NXPE2: variants seen among roughly 807,000 people sequenced by gnomAD.
The protein encoded by NXPE2 is neurexophilin and PC-esterase domain family member 2, also known as NXPE family member 2.
Under a neutral mutation model 34.4 loss-of-function variants are expected in NXPE2, and 34 were observed. The ratio of observed to expected loss-of-function variants is 0.99; its 90% CI spans 0.75 to 1.31. The LOEUF is 1.31. NXPE2 is among the 40% of genes most tolerant of loss of function. The pLI, the probability that NXPE2 is intolerant of heterozygous loss-of-function variation, is 0.00. For synonymous variants in NXPE2, 235 were observed against 231.3 expected (o/e 1.02, Z -0.15); for missense variants, 649 against 672.5 (o/e 0.97, Z 0.39).
the NXPE2 span, among the ~76,000 whole-genome samples, chr11:114,770,244 TTTGAATC>T: frequency 6.6e-6 from 1 of 152,228 alleles, no homozygotes; most frequent in South Asian, 2.1e-4. Flanking sequence ...GGTGGTTTTC[TTTGAATC>T]TTACACAGAT....
chr11:114,758,167 T>A, the NXPE2 span, among the ~76,000 whole-genome samples: 1 of 150,102 alleles, frequency 6.7e-6, no homozygotes, highest in African/African-American at 2.5e-5. Flanking sequence ...TATGACTTCT[T>A]CTCCGTCCAC....
At chr11:114,555,911 T>TA in the NXPE2 span, among the ~76,000 whole-genome samples, 47 of 152,376 alleles carry the variant, frequency 3.1e-4, 1 homozygote, top group African/African-American at 8.7e-4. Flanking sequence ...CCTCATTTGA[T>TA]AAATATTTGG....
At chr11:114,534,447 CGAGTT>C in the NXPE2 span, among the ~76,000 whole-genome samples, 4 of 152,038 alleles carry the variant, frequency 2.6e-5, no homozygotes, top group Non-Finnish European at 5.9e-5. Flanking sequence ...ATGACTTTGA[CGAGTT>C]GAGAGAGGAA....
the NXPE2 span, among the ~76,000 whole-genome samples, chr11:114,795,429 C>T: frequency 6.6e-6 from 1 of 152,170 alleles, no homozygotes; most frequent in African/African-American, 2.4e-5. Flanking sequence ...TTCAACTTTC[C>T]AAAATAATCC....
the NXPE2 span, among the ~76,000 whole-genome samples, chr11:114,544,333 A>G: frequency 6.6e-6 from 1 of 152,226 alleles, no homozygotes; most frequent in Non-Finnish European, 1.5e-5. Context: ...AAGGCTTATT[A>G]CAAAGCTGCC....
the NXPE2 span, among the ~76,000 whole-genome samples, chr11:114,600,881 A>G: frequency 6.6e-6 from 1 of 152,068 alleles, no homozygotes; most frequent in African/African-American, 2.4e-5. Flanking sequence ...AAATGTATTA[A>G]AAGTAAAAAG....
At chr11:114,598,757 C>G in the NXPE2 span, among the ~76,000 whole-genome samples, 1 of 152,080 alleles carries the variant, frequency 6.6e-6, no homozygotes, top group Non-Finnish European at 1.5e-5. Flanking sequence ...GCCTGGCTCA[C>G]AAAACCATTC....
At chr11:114,774,684 GCCTCATT>G in the NXPE2 span, among the ~76,000 whole-genome samples, 2 of 152,186 alleles carry the variant, frequency 1.3e-5, no homozygotes, top group Non-Finnish European at 2.9e-5. Context: ...CTGGAGGTCA[GCCTCATT>G]TCTCCTTCCC....
chr11:114,583,952 G>A, the NXPE2 span: 4 of 390,314 alleles, frequency 1.0e-5, no homozygotes, highest in African/African-American at 8.3e-5. Flanking sequence ...TGGGATTGAT[G>A]ATGAGTCCTA....
At chr11:114,584,375 CCCATCCACCTGCAGTCCAAATGCAGGT>C in the NXPE2 span, 1 of 362,912 alleles carries the variant, frequency 2.8e-6, no homozygotes, top group Non-Finnish European at 5.5e-6. Context: ...GTAATGCAGG[CCCATCCACCTGCAGTCCAAATGCAGGT>C]GATTCTGAGG....
chr11:114,509,634 G>T, the NXPE2 span, among the ~76,000 whole-genome samples: 3 of 152,138 alleles, frequency 2.0e-5, no homozygotes, highest in African/African-American at 7.2e-5. Flanking sequence ...CTTGGATAGA[G>T]CTGGAGGCCA....
At chr11:114,530,274 A>C in the NXPE2 span, 26 of 1,614,108 alleles carry the variant, frequency 1.6e-5, no homozygotes, top group South Asian at 2.7e-4. Context: ...TTGAGGCTTC[A>C]TACAATAGAA....
chr11:114,630,368 A>G, the NXPE2 span, among the ~76,000 whole-genome samples: 4 of 151,854 alleles, frequency 2.6e-5, no homozygotes, highest in African/African-American at 9.7e-5. Context: ...AAATAACACC[A>G]CATTTCTACA....
the NXPE2 span, among the ~76,000 whole-genome samples, chr11:114,638,037 T>C: frequency 2.6e-5 from 4 of 151,784 alleles, no homozygotes; most frequent in Non-Finnish European, 1.5e-5. Flanking sequence ...GAAGTTCTCC[T>C]GGATAATATC....
At chr11:114,627,107 C>T in the NXPE2 span, among the ~76,000 whole-genome samples, 1 of 151,960 alleles carries the variant, frequency 6.6e-6, no homozygotes, top group Non-Finnish European at 1.5e-5. Flanking sequence ...AGGATATTAT[C>T]CAGGAGAACT....
the NXPE2 span, among the ~76,000 whole-genome samples, chr11:114,789,717 C>T: frequency 6.6e-6 from 1 of 152,332 alleles, no homozygotes; most frequent in Admixed American, 6.5e-5. Flanking sequence ...GGGCCGGCCT[C>T]TTGAGGCGGC....
At chr11:114,758,814 T>C in the NXPE2 span, among the ~76,000 whole-genome samples, 1 of 148,446 alleles carries the variant, frequency 6.7e-6, no homozygotes, top group Admixed American at 6.7e-5. Flanking sequence ...TTATATATAA[T>C]TTATATTTTC....
At chr11:114,800,114 C>T in the NXPE2 span, among the ~76,000 whole-genome samples, 32 of 152,188 alleles carry the variant, frequency 2.1e-4, no homozygotes, top group Non-Finnish European at 4.0e-4. Flanking sequence ...TCCAAATGTT[C>T]GTAGGTTTAA....
the NXPE2 span, among the ~76,000 whole-genome samples, chr11:114,736,859 G>T: frequency 4.6e-5 from 7 of 152,156 alleles, no homozygotes; most frequent in Admixed American, 3.3e-4. Context: ...ACATTCTTGT[G>T]CCATGGCTTC....
Sources: allele counts gnomAD v4.1 joint callset (sites outside exome capture counted in the v4.1 genomes callset), GRCh38; gene constraint gnomAD v4.1.1; transcripts MANE v1.5; gene names NCBI Gene and HGNC (gene_info 2026-07-23, HGNC 2026-07-21).